NACAD: variants seen among roughly 807,000 people sequenced by gnomAD.
The protein encoded by NACAD is NAC-alpha domain-containing protein 1.
In NACAD, 47 loss-of-function variants were observed where a neutral mutation model predicts 98.9. That is an observed-to-expected ratio of 0.48 (90% CI 0.38 to 0.61). NACAD has a LOEUF of 0.61. Among genes scored for constraint, NACAD ranks in the 20% least tolerant of loss-of-function variants. NACAD has a pLI of 0.00. For synonymous variants in NACAD, 696 were observed against 767.2 expected (o/e 0.91, Z 1.53); for missense variants, 1,412 against 1,748.2 (o/e 0.81, Z 3.43).
Position 45,085,527 on chromosome 7 carries a change from C to A in NACAD, c.653G>T (p.Gly218Val). 2 of 1,550,692 alleles carry A rather than the reference C, an allele frequency of 1.3e-6. No homozygotes were observed. Among genetic ancestry groups the A allele is most frequent in the South Asian group, 1.2e-5 (1 of 84,002 alleles). ...GTCCCCATCGGCCGTAATGTAGGAG[C>A]CCGAGGGTGAGGCGGGGGGCGAGTC... is the stretch of plus-strand genomic sequence containing the variant. The part of the protein sequence containing the change: ...LLDSPPASPS[G>V]SYITADGDSW... Residue 218 changes from glycine (G) to valine (V), a missense_variant, in exon 2 of 8, where the codon GGC becomes GTC. This residue lies in a region of NACAD where 638 missense variants were observed against 722.7 expected (regional missense o/e 0.88). Transcript: ENST00000490531. The surrounding 1 kb of genome is among the most constrained non-coding windows in gnomAD (Gnocchi z 6.1).
In NACAD at chr7:45,084,533, T is replaced by C. The variant is rs1441223555; in HGVS notation, c.1647A>G (p.Pro549=). The change falls in exon 2 of 8, where the codon CCA becomes CCG. Residue 549 remains proline (P), a synonymous_variant. Coordinates refer to ENST00000490531, the MANE Select transcript of NACAD (RefSeq NM_001146334.2). ...ACAATGTGAGGCTTGTTTCTTCCTGTGGAGTTGGAAGTTTTTCTGCAGTGA... is the reference window on the plus strand; with the variant it reads ...ACAATGTGAGGCTTGTTTCTTCCTGCGGAGTTGGAAGTTTTTCTGCAGTGA... ...ESVTAEKLPT[P]QEETSLTLCP... 1 of 1,552,232 alleles carries C rather than the reference T, an allele frequency of 6.4e-7. No homozygotes were observed. Among genetic ancestry groups the C allele is most frequent in the Admixed American group, 2.0e-5 (1 of 51,014 alleles).
In NACAD at chr7:45,083,257, G is replaced by C; in HGVS notation, c.2923C>G (p.Pro975Ala). The part of the protein sequence containing the change: ...AQQEVGEALG[P>A]RPAPEEKNAA... ...TTCTTCTCCTCAGGTGCTGGCCTGG[G>C]GCCTAAGGCCTCACCTACTTCCTGC... The change falls in exon 2 of 8, where the codon CCC (proline) becomes GCC (alanine). Residue 975 changes from proline (P) to alanine (A), a missense_variant. Pro to Ala is a conservative substitution (Grantham distance 27). This residue lies in a region of NACAD where 572 missense variants were observed against 639.6 expected (regional missense o/e 0.89). Coordinates refer to ENST00000490531, the MANE Select transcript of NACAD (RefSeq NM_001146334.2). The C allele has an allele frequency of 6.4e-7, 1 of 1,551,004 alleles. No individual in the cohort carries two copies. The highest frequency in any genetic ancestry group is 1.2e-5 in the South Asian group (1 of 84,064).
rs1784506476 is a variant in NACAD at position 45,085,519 on chromosome 7, T to C, written c.661A>G (p.Ile221Val). Residue 221 changes from isoleucine (I) to valine (V), a missense_variant, in exon 2 of 8, where the codon ATT becomes GTT. Transcript: ENST00000490531. This position sits in a 1 kb window ranked among gnomAD's most constrained non-coding sequence, Gnocchi z 6.1. ...SPPASPSGSYITADGDSWASS... is the reference protein window; with the variant it reads ...SPPASPSGSYVTADGDSWASS... Reference sequence around the variant, plus strand: ...GCCCAGCTGTCCCCATCGGCCGTAATGTAGGAGCCCGAGGGTGAGGCGGGG... The same window carrying C: ...GCCCAGCTGTCCCCATCGGCCGTAACGTAGGAGCCCGAGGGTGAGGCGGGG... 6.4e-7 allele frequency: 1 copy of C among 1,550,634 alleles called. No individual in the cohort carries two copies. Among genetic ancestry groups the C allele is most frequent in the Non-Finnish European group, 8.7e-7 (1 of 1,146,912 alleles).
chr7:45,088,931 C>G lies in NACAD; in HGVS notation c.-37G>C. 7.5e-7 allele frequency: 1 copy of G among 1,326,236 alleles called. No individual in the cohort carries two copies. Among genetic ancestry groups the G allele is most frequent in the Non-Finnish European group, 9.6e-7 (1 of 1,037,778 alleles). The allele number at this position is 1,326,236 out of a possible 1,614,324, so 82.2% of individuals were successfully genotyped here. ...GCGCCCGCCCGTCCCTCAGTCCTTC[C>G]GACCCTCCGTCAGTCCGTGCCGCCG... On this transcript the variant is annotated 5_prime_UTR_variant, in exon 1 of 8. Coordinates refer to ENST00000490531, the MANE Select transcript of NACAD (RefSeq NM_001146334.2). This position sits in a 1 kb window ranked among gnomAD's most constrained non-coding sequence, Gnocchi z 5.7.
chr7:45,084,835 G>C lies in NACAD; in HGVS notation c.1345C>G (p.Pro449Ala). The part of the protein sequence containing the change: ...GTVSWAVEAA[P>A]QTSDRGAYLS... ...TAGGCCCCTCTGTCTGAGGTCTGAG[G>C]AGCAGCCTCCACGGCCCAGGACACA... Residue 449 changes from proline to alanine, a missense_variant, in exon 2 of 8, where the codon CCT (proline) becomes GCT (alanine). Physicochemically the swap from Pro to Ala is conservative, Grantham distance 27 (BLOSUM62 -1). Coordinates refer to ENST00000490531, the MANE Select transcript of NACAD (RefSeq NM_001146334.2). The C allele has an allele frequency of 6.4e-7, 1 of 1,550,792 alleles. No homozygotes were observed. Among genetic ancestry groups the C allele is most frequent in the Non-Finnish European group, 8.7e-7 (1 of 1,146,830 alleles).
At position 45,083,095 on chromosome 7, in the gene NACAD, T is replaced by C. The variant is rs1784459827; in HGVS notation, c.3085A>G (p.Ser1029Gly). ...GCACCAGAGGCCGGCTCAGGGAGACTGAGGGCCTCCATGCCCAAAGTGGAA... is the reference window on the plus strand; with the variant it reads ...GCACCAGAGGCCGGCTCAGGGAGACCGAGGGCCTCCATGCCCAAAGTGGAA... ...ADSTLGMEAL[S>G]LPEPASGAGE... The change falls in exon 2 of 8, where the codon AGT becomes GGT. Residue 1029 changes from serine (S) to glycine (G), a missense_variant. Physicochemically the swap from Ser to Gly is moderately conservative, Grantham distance 56. Coordinates refer to ENST00000490531, the MANE Select transcript of NACAD (RefSeq NM_001146334.2). The C allele has an allele frequency of 6.4e-7, 1 of 1,550,800 alleles. No individual in the cohort carries two copies. Among genetic ancestry groups the C allele is most frequent in the Non-Finnish European group, 8.7e-7 (1 of 1,147,006 alleles).
In NACAD at chr7:45,083,178, T is replaced by C. The variant is rs541248864; in HGVS notation, c.3002A>G (p.Asp1001Gly). 1 of 1,550,894 alleles carries C rather than the reference T, an allele frequency of 6.4e-7. No homozygotes were observed. The highest frequency in any genetic ancestry group is 1.4e-5 in the African/African-American group (1 of 73,180). Residue 1001 changes from aspartate to glycine, a missense_variant, in exon 2 of 8, where the codon GAT becomes GGT. This residue lies in a region of NACAD where 572 missense variants were observed against 639.6 expected (regional missense o/e 0.89). Coordinates refer to ENST00000490531, the MANE Select transcript of NACAD (RefSeq NM_001146334.2). ...AGCTTCTGCAGCTGGCTGTGGGTCA[T>C]CCTGTTGGACCTGGTCCAAGGCTGC... Reference protein sequence around the residue: ...EPAALDQVQQDDPQPAAEAGT... With the variant: ...EPAALDQVQQGDPQPAAEAGT...
chr7:45,080,480 G>T lies in NACAD; in HGVS notation c.*29C>A. 1.3e-6 allele frequency: 2 copies of T among 1,551,414 alleles called. No homozygotes were observed. Among genetic ancestry groups the T allele is most frequent in the Non-Finnish European group, 1.7e-6 (2 of 1,146,898 alleles). On this transcript the variant is annotated 3_prime_UTR_variant, in exon 8 of 8. Coordinates refer to ENST00000490531, the MANE Select transcript of NACAD (RefSeq NM_001146334.2). The stretch of plus-strand genomic sequence containing the variant: ...TTGAGTAGCAGAGCTGAGGGAAGGC[G>T]TAGGATGGCTCCAGCTTCCGGTCAG...
intron 4 of NACAD, 33 bp downstream of exon 4, chr7:45,081,568 G>A: frequency 6.4e-7 from 1 of 1,550,672 alleles, no homozygotes. Context: ...GATGGTCCCA[G>A]GCCTGAGGTC....
Position 45,082,124 on chromosome 7 carries a change from C to G in NACAD, c.4056G>C (p.Glu1352Asp). 6.8e-7 allele frequency: 1 copy of G among 1,479,236 alleles called. No homozygotes were observed. The highest frequency in any genetic ancestry group is 9.0e-7 in the Non-Finnish European group (1 of 1,114,150). The allele number at this position is 1,479,236 out of a possible 1,614,324, so 91.6% of individuals were successfully genotyped here. A position where few individuals can be genotyped will look rare whatever the true frequency, so the allele number is the denominator to read the frequency against. The change falls in exon 2 of 8, where the codon GAG (glutamate) becomes GAC (aspartate). Residue 1352 changes from glutamate (E) to aspartate (D), a missense_variant. Physicochemically the swap from Glu to Asp is conservative, Grantham distance 45. Transcript: ENST00000490531. The surrounding 1 kb of genome is among the most constrained non-coding windows in gnomAD (Gnocchi z 4.5). ...GLSAPEQQED[E>D]DSLEEDSPRA... The stretch of plus-strand genomic sequence containing the variant: ...CTGCCTTACCTTCCTCCAGGCTGTC[C>G]TCATCCTCTTGCTGCTCGGGGGCTG...
Position 45,086,047 on chromosome 7 carries a change from G to A in NACAD, c.133C>T (p.Leu45=), listed in dbSNP as rs1017087271. The A allele has an allele frequency of 6.5e-7, 1 of 1,535,818 alleles. No individual in the cohort carries two copies. Among genetic ancestry groups the A allele is most frequent in the South Asian group, 1.2e-5 (1 of 83,974 alleles). The change falls in exon 2 of 8, where the codon CTG becomes TTG. Residue 45 remains leucine (L), a synonymous_variant. Coordinates refer to ENST00000490531, the MANE Select transcript of NACAD (RefSeq NM_001146334.2). ...LGGDRREPCA[L]TPGPSHLALT... Reference sequence around the variant, plus strand: ...GCCAGGTGGCTGGGCCCTGGGGTCAGAGCACAGGGCTCCCGCCGGTCCCCT... The same window carrying A: ...GCCAGGTGGCTGGGCCCTGGGGTCAAAGCACAGGGCTCCCGCCGGTCCCCT...
At position 45,083,210 on chromosome 7, in the gene NACAD, C is replaced by T. The variant is rs529749369; in HGVS notation, c.2970G>A (p.Pro990=). ...EEKNAALPTV[P]EPAALDQVQQ... is the part of the protein sequence containing the mutation. Reference sequence around the variant, plus strand: ...GGACCTGGTCCAAGGCTGCAGGCTCCGGGACTGTAGGGAGGGCTGCATTCT... The same window carrying T: ...GGACCTGGTCCAAGGCTGCAGGCTCTGGGACTGTAGGGAGGGCTGCATTCT... The change falls in exon 2 of 8, where the codon CCG becomes CCA. Residue 990 remains proline, a synonymous_variant. Coordinates refer to ENST00000490531, the MANE Select transcript of NACAD (RefSeq NM_001146334.2). 27 of 1,550,920 alleles carry T rather than the reference C, an allele frequency of 1.7e-5. No individual in the cohort carries two copies. Among genetic ancestry groups the T allele is most frequent in the African/African-American group, 1.1e-4 (8 of 73,178 alleles).
In NACAD at chr7:45,082,048, C is replaced by CT. The variant is rs2128640335; in HGVS notation, c.4072+59dup. The CT allele has an allele frequency of 6.8e-7, 1 of 1,462,606 alleles. No homozygotes were observed. The highest frequency in any genetic ancestry group is 9.0e-7 in the Non-Finnish European group (1 of 1,106,436). 90.6% of individuals were successfully genotyped at this position (1,462,606 alleles called of 1,614,324 possible). On this transcript the variant is annotated intron_variant, in intron 2 of 7. Transcript: ENST00000490531. This position sits in a 1 kb window ranked among gnomAD's most constrained non-coding sequence, Gnocchi z 4.5. Reference sequence around the variant, plus strand: ...AGAGGCCCTCCAGCTCAGGACAGCTCTAAGGAGGAGTCCAGTTGACCCAAG... The same window carrying CT: ...AGAGGCCCTCCAGCTCAGGACAGCTCTTAAGGAGGAGTCCAGTTGACCCAAG...
At position 45,083,265 on chromosome 7, in the gene NACAD, G is replaced by T. The variant is rs1428058493; in HGVS notation, c.2915C>A (p.Ala972Asp). 1.9e-6 allele frequency: 3 copies of T among 1,550,938 alleles called. No individual in the cohort carries two copies. The highest frequency in any genetic ancestry group is 8.7e-7 in the Non-Finnish European group (1 of 1,146,994). Reference protein sequence around the residue: ...ATMAQQEVGEALGPRPAPEEK... With the variant: ...ATMAQQEVGEDLGPRPAPEEK... ...CTCAGGTGCTGGCCTGGGGCCTAAG[G>T]CCTCACCTACTTCCTGCTGAGCCAT... The change falls in exon 2 of 8, where the codon GCC (alanine) becomes GAC (aspartate). Residue 972 changes from alanine (A) to aspartate (D), a missense_variant. By Grantham distance (126) the Ala-to-Asp change is moderately radical. This residue lies in a region of NACAD where 572 missense variants were observed against 639.6 expected (regional missense o/e 0.89). Transcript: ENST00000490531.
rs1354825585 is a variant in NACAD at position 45,088,850 on chromosome 7, C to T, written c.45G>A (p.Ala15=). Residue 15 remains alanine (A), a synonymous_variant, in exon 1 of 8, where the codon GCG becomes GCA. Transcript: ENST00000490531. This position sits in a 1 kb window ranked among gnomAD's most constrained non-coding sequence, Gnocchi z 5.7. ...CACCTGTGCGGGGCCCGGGTCGGTC[C>T]GCCTCGGGCAGCAGCAGCTCGGCGC... The part of the protein sequence containing the change: ...AARAELLLPE[A]DRPGPRTDLS... The T allele has an allele frequency of 8.1e-6, 12 of 1,490,092 alleles. No homozygotes were observed. Among genetic ancestry groups the T allele is most frequent in the Non-Finnish European group, 9.8e-6 (11 of 1,125,078 alleles). 92.3% of individuals were successfully genotyped at this position (1,490,092 alleles called of 1,614,324 possible). A position where few individuals can be genotyped will look rare whatever the true frequency, so the allele number is the denominator to read the frequency against.
Position 45,082,141 on chromosome 7 carries a change from C to T in NACAD, c.4039G>A (p.Glu1347Lys), listed in dbSNP as rs999966568. Residue 1347 changes from glutamate to lysine, a missense_variant, in exon 2 of 8, where the codon GAG becomes AAG. Around this residue, in one of 5 missense-constraint regions of NACAD, gnomAD observed 572 missense variants for 639.6 expected, o/e 0.89. Coordinates refer to ENST00000490531, the MANE Select transcript of NACAD (RefSeq NM_001146334.2). This position sits in a 1 kb window ranked among gnomAD's most constrained non-coding sequence, Gnocchi z 4.5. ...AGGCTGTCCTCATCCTCTTGCTGCT[C>T]GGGGGCTGAGAGCCCTTGAGGGCCA... ...PAGPQGLSAP[E>K]QQEDEDSLEE... 5.4e-6 allele frequency: 8 copies of T among 1,485,498 alleles called. No individual in the cohort carries two copies. Among genetic ancestry groups the T allele is most frequent in the South Asian group, 1.4e-5 (1 of 72,378 alleles). The allele number at this position is 1,485,498 out of a possible 1,614,324, so 92.0% of individuals were successfully genotyped here.
Position 45,081,272 on chromosome 7 carries a change from AG to A in NACAD, c.4258-10del. On this transcript the variant is annotated splice_polypyrimidine_tract_variant and intron_variant, in intron 4 of 7. Coordinates refer to ENST00000490531, the MANE Select transcript of NACAD (RefSeq NM_001146334.2). ...CCCAGCTTTGACATTGCCTGGGAGT[AG>A]AGGGCAGAGGGGGGCTCAGACCTGG... is the stretch of plus-strand genomic sequence containing the variant. 6.4e-7 allele frequency: 1 copy of A among 1,550,788 alleles called. No individual in the cohort carries two copies. Among genetic ancestry groups the A allele is most frequent in the Non-Finnish European group, 8.7e-7 (1 of 1,146,832 alleles).
rs1784491083 is a variant in NACAD at position 45,084,924 on chromosome 7, C to T, written c.1256G>A (p.Ser419Asn). The T allele has an allele frequency of 4.5e-6, 7 of 1,551,216 alleles. No homozygotes were observed. The highest frequency in any genetic ancestry group is 6.1e-6 in the Non-Finnish European group (7 of 1,146,996). Residue 419 changes from serine to asparagine, a missense_variant, in exon 2 of 8, where the codon AGT becomes AAT. By Grantham distance (46) the Ser-to-Asn change is conservative (BLOSUM62 1). Around this residue, in one of 5 missense-constraint regions of NACAD, gnomAD observed 638 missense variants for 722.7 expected, o/e 0.88. Transcript: ENST00000490531. ...GCTCTCCTCCTCTGTCTTCTGGACA[C>T]TGTCCTGGAGCAAAGTGGCCTGGGC... ...PHAQATLLQDSVQKTEEESGG... is the reference protein window; with the variant it reads ...PHAQATLLQDNVQKTEEESGG...
chr7:45,084,436 C>T lies in NACAD; in HGVS notation c.1744G>A (p.Ala582Thr), dbSNP rs1271710664. 1 of 1,551,742 alleles carries T rather than the reference C, an allele frequency of 6.4e-7. No individual in the cohort carries two copies. The highest frequency in any genetic ancestry group is 1.4e-5 in the African/African-American group (1 of 73,050). ...GCCTGCCTGGGGACAATCGTGGCTG[C>T]AGCTACAGGCTTTCTGCCAGAGGGG... ...DLPSGRKPVA[A>T]ATIVPRQAKE... Residue 582 changes from alanine (A) to threonine (T), a missense_variant, in exon 2 of 8, where the codon GCA (alanine) becomes ACA (threonine). Transcript: ENST00000490531.
Sources: gnomAD v4.1 joint callset for allele counts on GRCh38, gnomAD v4.1.1 for gene constraint, gnomAD v4.1.1 regional missense constraint, Gnocchi (gnomAD v3.1) non-coding constraint, MANE v1.5 for transcripts, NCBI Gene and HGNC (gene_info 2026-07-23, HGNC 2026-07-21) for gene names.